MAP3K13: variants seen among roughly 807,000 people sequenced by gnomAD.
The protein encoded by MAP3K13 is mitogen-activated protein kinase kinase kinase 13.
A neutral mutation model predicts 104.0 loss-of-function variants in MAP3K13; 52 were observed. The ratio of observed to expected loss-of-function variants is 0.50; its 90% confidence interval spans 0.40 to 0.63. MAP3K13 has a LOEUF of 0.63. MAP3K13 is among the 20% of genes least tolerant of loss of function. The pLI is 0.00. For synonymous variants in MAP3K13, 394 were observed against 442.2 expected (o/e 0.89, Z 1.37); for missense variants, 914 against 1,218.5 (o/e 0.75, Z 3.72).
At chr3:185,325,420 G>A (rs989056694) in intron 2 of MAP3K13, among the ~76,000 whole-genome samples, 26 of 152,106 alleles carry the variant, frequency 1.7e-4, no homozygotes, top group African/African-American at 6.0e-4. Flanking sequence ...CATAGATTCC[G>A]GGGATTTGAC....
At chr3:185,433,977 G>A (rs868651302) in intron 2 of MAP3K13, among the ~76,000 whole-genome samples, 1 of 62,192 alleles carries the variant, frequency 1.6e-5, no homozygotes. Flanking sequence ...AAATAGCAAT[G>A]TGGAAAAAAA....
chr3:185,475,304 T>C (rs1718056099), intron 11 of MAP3K13, among the ~76,000 whole-genome samples: 1 of 152,118 alleles, frequency 6.6e-6, no homozygotes, highest in African/African-American at 2.4e-5. Flanking sequence ...AGTCAAAAAA[T>C]AAGATTATGT....
chr3:185,293,072 T>C (rs895914727), intron 2 of MAP3K13: 34 of 974,156 alleles, frequency 3.5e-5, no homozygotes, highest in Non-Finnish European at 4.1e-5. Flanking sequence ...CTTTTTTTTT[T>C]CCTGTGAGTT....
At chr3:185,402,845 G>A (rs1486999678) in intron 1 of MAP3K13, among the ~76,000 whole-genome samples, 1 of 152,170 alleles carries the variant, frequency 6.6e-6, no homozygotes, top group Non-Finnish European at 1.5e-5. Context: ...TGAATTCCAA[G>A]GGCTTTCCCC....
intron 1 of MAP3K13, among the ~76,000 whole-genome samples, chr3:185,383,005 T>A (rs1577489614): frequency 1.8e-5 from 2 of 109,634 alleles, no homozygotes; most frequent in South Asian, 3.7e-4. Context: ...ATGCTATCCC[T>A]CCCCCCTCCC....
intron 2 of MAP3K13, among the ~76,000 whole-genome samples, chr3:185,319,120 T>A (rs1721773654): frequency 6.6e-6 from 1 of 152,128 alleles, no homozygotes; most frequent in African/African-American, 2.4e-5. Context: ...GGGACATGCC[T>A]TTTTTTAAAA....
At chr3:185,478,883 A>T (rs1718286974) in intron 12 of MAP3K13, among the ~76,000 whole-genome samples, 1 of 151,786 alleles carries the variant, frequency 6.6e-6, no homozygotes, top group Non-Finnish European at 1.5e-5. Flanking sequence ...AAAAAAAAAA[A>T]AGAAAAAAAC....
Position 185,396,030 on chromosome 3 carries a change from CTTTTTT to C in MAP3K13, c.-85-32466_-85-32461del, listed in dbSNP as rs796980364. ...ACAATTTGAGATTATTACTGGTTTC[CTTTTTT>C]GGCCATTTTCTGAGTATATACAAAT... On this transcript the variant is annotated intron_variant, in intron 1 of 13. Coordinates refer to ENST00000265026, the MANE Select transcript of MAP3K13 (RefSeq NM_004721.5). Among the ~76,000 whole-genome samples the C allele has an allele frequency of 1.4e-3, 217 of 151,950 alleles. 3 individuals carry two copies. The East Asian group carries it at 0.031, about 22-fold the overall frequency.
intron 2 of MAP3K13, among the ~76,000 whole-genome samples, chr3:185,331,855 A>T (rs1722296274): frequency 6.6e-6 from 1 of 152,180 alleles, no homozygotes; most frequent in Non-Finnish European, 1.5e-5. Flanking sequence ...GTATAAATAG[A>T]TTCTTATTTC....
At chr3:185,304,203 T>C (rs1373431565) in intron 2 of MAP3K13, among the ~76,000 whole-genome samples, 1 of 152,216 alleles carries the variant, frequency 6.6e-6, no homozygotes, top group African/African-American at 2.4e-5. Context: ...TCAGTCTTCT[T>C]AAATTTGTTA....
intron 2 of MAP3K13, among the ~76,000 whole-genome samples, chr3:185,336,508 C>A (rs1352381859): frequency 6.7e-6 from 1 of 149,026 alleles, no homozygotes; most frequent in African/African-American, 2.5e-5. Flanking sequence ...CGCCATTGCA[C>A]TCCAGCCTGG....
chr3:185,480,294 T>C lies in MAP3K13; in HGVS notation c.2564T>C (p.Val855Ala). The stretch of plus-strand genomic sequence containing the variant: ...ACCTTTAGCTCTGAGAATTTCTCTG[T>C]GTCTGATGGAGAAGAGGGAAATACC... Reference protein sequence around the residue: ...YSTFSSENFSVSDGEEGNTSD... With the variant: ...YSTFSSENFSASDGEEGNTSD... The change falls in exon 13 of 14, where the codon GTG becomes GCG. Residue 855 changes from valine (V) to alanine (A), a missense_variant. By Grantham distance (64) the Val-to-Ala change is moderately conservative (BLOSUM62 0). Transcript: ENST00000265026. 1.2e-6 allele frequency: 2 copies of C among 1,614,228 alleles called. No individual in the cohort carries two copies. Among genetic ancestry groups the C allele is most frequent in the Non-Finnish European group, 1.7e-6 (2 of 1,180,040 alleles).
At chr3:185,443,341 A>T (rs1715425786) in intron 3 of MAP3K13, 104 bp from the exon 4 acceptor site, 1 of 754,350 alleles carries the variant, frequency 1.3e-6, no homozygotes, top group Non-Finnish European at 2.1e-6. Context: ...ACACATTTTT[A>T]AAATAATTCG....
At chr3:185,432,989 C>T (rs972631214) in intron 2 of MAP3K13, among the ~76,000 whole-genome samples, 2 of 152,200 alleles carry the variant, frequency 1.3e-5, no homozygotes, top group African/African-American at 4.8e-5. Flanking sequence ...ATCTTCAATC[C>T]TGCATTGCAG....
intron 1 of MAP3K13, among the ~76,000 whole-genome samples, chr3:185,401,112 A>G (rs1262132000): frequency 2.6e-5 from 4 of 152,098 alleles, no homozygotes; most frequent in Non-Finnish European, 5.9e-5. Context: ...AGGTGAACAC[A>G]TCATCAGCAG....
intron 1 of MAP3K13, among the ~76,000 whole-genome samples, chr3:185,415,581 T>C (rs950896154): frequency 2.1e-4 from 31 of 145,892 alleles, no homozygotes; most frequent in Non-Finnish European, 3.6e-4. Context: ...TAATTTCTTT[T>C]TTTTTTTTTT....
intron 9 of MAP3K13, among the ~76,000 whole-genome samples, chr3:185,466,074 T>G (rs903807777): frequency 6.6e-6 from 1 of 152,244 alleles, no homozygotes; most frequent in African/African-American, 2.4e-5. Flanking sequence ...TAGGAGAACA[T>G]GCACTTGGCA....
chr3:185,389,287 C>G (rs1711892224), intron 1 of MAP3K13, among the ~76,000 whole-genome samples: 1 of 152,122 alleles, frequency 6.6e-6, no homozygotes, highest in African/African-American at 2.4e-5. Context: ...TGAGACAATG[C>G]TAGTTGAGTC....
chr3:185,482,205 T>C lies in MAP3K13; in HGVS notation c.2800-150T>C. 2 of 622,396 alleles carry C rather than the reference T, an allele frequency of 3.2e-6. No homozygotes were observed. Among genetic ancestry groups the C allele is most frequent in the Non-Finnish European group, 5.8e-6 (2 of 346,850 alleles). 38.6% of individuals were successfully genotyped at this position (622,396 alleles called of 1,614,324 possible). A position where few individuals can be genotyped will look rare whatever the true frequency, so the allele number is the denominator to read the frequency against. ...GCAATCATAATCATCATGTGTTTTC[T>C]TTCTCCATAAGTCCCACAAGGACAG... is the stretch of plus-strand genomic sequence containing the variant. On this transcript the variant is annotated intron_variant, in intron 13 of 13. Coordinates refer to ENST00000265026, the MANE Select transcript of MAP3K13 (RefSeq NM_004721.5). The surrounding 1 kb of genome is among the most constrained non-coding windows in gnomAD (Gnocchi z 4.5).
Sources: allele counts gnomAD v4.1 joint callset (sites outside exome capture counted in the v4.1 genomes callset), GRCh38; gene constraint gnomAD v4.1.1; non-coding constraint Gnocchi (gnomAD v3.1); transcripts MANE v1.5; gene names NCBI Gene and HGNC (gene_info 2026-07-23, HGNC 2026-07-21).